The following AKR1B1 variants were observed in gnomAD, a reference collection of about 807,000 sequenced individuals.
AKR1B1 encodes the protein aldo-keto reductase family 1 member B, also known as aldo-keto reductase family 1 member B1.
Under a neutral mutation model 40.4 loss-of-function variants are expected in AKR1B1, and 22 were observed. The ratio of observed to expected loss-of-function variants is 0.54; its 90% CI spans 0.39 to 0.78. AKR1B1 has a LOEUF of 0.78. AKR1B1 is among the 30% of genes least tolerant of loss of function. AKR1B1 has a pLI of 0.00. For missense variants in AKR1B1, 357 were observed against 396.7 expected (o/e 0.90, Z 0.85); for synonymous variants, 157 against 149.9 (o/e 1.05, Z -0.35).
chr7:134,448,522 G>A, intron 5 of AKR1B1, 29 bp from the exon 6 acceptor site: 1 of 1,547,286 alleles, frequency 6.5e-7, no homozygotes, highest in Non-Finnish European at 8.9e-7. Flanking sequence ...GAGCTGATGG[G>A]AGCACTGTGG....
At position 134,447,984 on chromosome 7, in the gene AKR1B1, G is replaced by A; in HGVS notation, c.737C>T (p.Ala246Val). The change falls in exon 7 of 10, where the codon GCC (alanine) becomes GTC (valine). Residue 246 changes from alanine (A) to valine (V), a missense_variant. By Grantham distance (64) the Ala-to-Val change is moderately conservative. Coordinates refer to ENST00000285930, the MANE Select transcript of AKR1B1 (RefSeq NM_001628.4). ...AIAAKHNKTT[A>V]QVLIRFPMQR... ...CAACACCTGAAGTGGCTGTACCTGGGCTGTAGTTTTATTGTGCTTGGCTGC... is the reference window on the plus strand; with the variant it reads ...CAACACCTGAAGTGGCTGTACCTGGACTGTAGTTTTATTGTGCTTGGCTGC... 1 of 1,612,346 alleles carries A rather than the reference G, an allele frequency of 6.2e-7. No homozygotes were observed. Among genetic ancestry groups the A allele is most frequent in the Non-Finnish European group, 8.5e-7 (1 of 1,179,492 alleles).
chr7:134,459,236 C>G (rs555634413), upstream of AKR1B1: 2 of 727,482 alleles, frequency 2.7e-6, no homozygotes, highest in African/African-American at 3.5e-5. Context: ...CCCCAAGGGT[C>G]GGCGGGGATG....
At chr7:134,446,417 T>A (rs1171649941) in intron 8 of AKR1B1, among the ~76,000 whole-genome samples, 1 of 152,230 alleles carries the variant, frequency 6.6e-6, no homozygotes, top group Non-Finnish European at 1.5e-5. Flanking sequence ...AATCAGCTGC[T>A]CACCTAAGCT....
chr7:134,456,298 C>A (rs1806470283), intron 1 of AKR1B1, among the ~76,000 whole-genome samples: 1 of 152,066 alleles, frequency 6.6e-6, no homozygotes, highest in Middle Eastern at 3.2e-3. Flanking sequence ...ATCTGGGGTT[C>A]AAGCGATTTT....
At chr7:134,453,018 C>T (rs1440052797) in intron 1 of AKR1B1, among the ~76,000 whole-genome samples, 3 of 152,180 alleles carry the variant, frequency 2.0e-5, no homozygotes, top group African/African-American at 4.8e-5. Context: ...CCACTCTGCA[C>T]GGTTGAAGGA....
intron 5 of AKR1B1, 40 bp downstream of exon 5, chr7:134,448,957 C>T (rs1336371353): frequency 1.2e-6 from 2 of 1,613,604 alleles, no homozygotes; most frequent in Admixed American, 1.7e-5. Flanking sequence ...GACAGTAAAA[C>T]AGCAACGTTG....
In AKR1B1 at chr7:134,445,333, C is replaced by T; in HGVS notation, c.826-13G>A. ...CAAAGTCAAAGACCTAAAAAACAAACAAAAAAATCCAGTAAGCTCTGCAAA... is the reference window on the plus strand; with the variant it reads ...CAAAGTCAAAGACCTAAAAAACAAATAAAAAAATCCAGTAAGCTCTGCAAA... On this transcript the variant is annotated splice_polypyrimidine_tract_variant and intron_variant, in intron 8 of 9. Transcript: ENST00000285930. 1 of 1,605,794 alleles carries T rather than the reference C, an allele frequency of 6.2e-7. No homozygotes were observed. Among genetic ancestry groups the T allele is most frequent in the Non-Finnish European group, 8.5e-7 (1 of 1,175,082 alleles).
chr7:134,444,386 G>A (rs895455690), intron 9 of AKR1B1, among the ~76,000 whole-genome samples: 2 of 152,224 alleles, frequency 1.3e-5, no homozygotes, highest in Admixed American at 6.5e-5. Flanking sequence ...TGCCTGGGGC[G>A]GTGGCTGAAG....
At chr7:134,450,986 CA>C in intron 2 of AKR1B1, 84 bp from the exon 3 acceptor site, 1 of 1,113,012 alleles carries the variant, frequency 9.0e-7, no homozygotes, top group Non-Finnish European at 1.4e-6. Context: ...CTCCTCTCCC[CA>C]AAACCCATTT....
intron 9 of AKR1B1, among the ~76,000 whole-genome samples, chr7:134,444,505 G>A (rs1806038229): frequency 6.6e-6 from 1 of 152,266 alleles, no homozygotes; most frequent in African/African-American, 2.4e-5. Flanking sequence ...AGAAGAGGAA[G>A]TACTAAAGGA....
In AKR1B1 at chr7:134,442,757, T is replaced by C; in HGVS notation, c.922A>G (p.Lys308Glu). The C allele has an allele frequency of 6.2e-7, 1 of 1,614,102 alleles. No individual in the cohort carries two copies. The highest frequency in any genetic ancestry group is 8.5e-7 in the Non-Finnish European group (1 of 1,179,966). Residue 308 changes from lysine to glutamate, a missense_variant, in exon 10 of 10, where the codon AAG (lysine) becomes GAG (glutamate). By Grantham distance (56) the Lys-to-Glu change is moderately conservative. Transcript: ENST00000285930. ...AACTCTTCATGGAAGGGGTAATCCTTGTGGGAGGTACAGCTGTCAGGAGAA... is the reference window on the plus strand; with the variant it reads ...AACTCTTCATGGAAGGGGTAATCCTCGTGGGAGGTACAGCTGTCAGGAGAA... The part of the protein sequence containing the change: ...VCALLSCTSH[K>E]DYPFHEEF
chr7:134,459,176 G>C (rs938328454), upstream of AKR1B1: 1 of 1,304,922 alleles, frequency 7.7e-7, no homozygotes, highest in Non-Finnish European at 1.1e-6. Context: ...GCGCGCCGCT[G>C]CGCGAAGGAG....
rs750753427 is a variant in AKR1B1 at position 134,451,650 on chromosome 7, AC to A, written c.169del (p.Val57TrpfsTer12). 2 of 1,613,718 alleles carry A rather than the reference AC, an allele frequency of 1.2e-6. No individual in the cohort carries two copies. The highest frequency in any genetic ancestry group is 2.2e-5 in the South Asian group (2 of 91,026). ...CTCCCTGAGCTTCTCCTGAATGGCC[AC>A]CCCCACCTCATTCTCATTCTGGTAC... ...HVYQNENEVG[V>X]AIQEKLREQV... On this transcript the variant is annotated frameshift_variant, in exon 2 of 10. Coordinates refer to ENST00000285930, the MANE Select transcript of AKR1B1 (RefSeq NM_001628.4). LOFTEE classifies it high-confidence loss of function.
At chr7:134,446,772 G>T (rs1157232900) in intron 8 of AKR1B1, among the ~76,000 whole-genome samples, 2 of 152,216 alleles carry the variant, frequency 1.3e-5, no homozygotes, top group African/African-American at 4.8e-5. Flanking sequence ...TGGCCCAGAG[G>T]GTCCTTTGCA....
intron 9 of AKR1B1, chr7:134,444,842 G>A (rs1395739580): frequency 3.1e-6 from 1 of 326,578 alleles, no homozygotes; most frequent in African/African-American, 2.1e-5. Context: ...TCAGCCCCAG[G>A]GGCTCCCGAC....
intron 8 of AKR1B1, 34 bp downstream of exon 8, chr7:134,447,264 G>A (rs1282352530): frequency 6.3e-7 from 1 of 1,586,406 alleles, no homozygotes; most frequent in South Asian, 1.1e-5. Context: ...CCACTCCATG[G>A]AGGAGGGCCA....
At chr7:134,444,358 G>A (rs534729898) in intron 9 of AKR1B1, among the ~76,000 whole-genome samples, 6 of 152,258 alleles carry the variant, frequency 3.9e-5, no homozygotes, top group South Asian at 2.1e-4. Context: ...TGTCCAGGAC[G>A]CAGACTGGGC....
rs1395490453 is a variant in AKR1B1 at position 134,445,264 on chromosome 7, C to T, written c.882G>A (p.Arg294=). 6.2e-7 allele frequency: 1 copy of T among 1,612,444 alleles called. No homozygotes were observed. Among genetic ancestry groups the T allele is most frequent in the Non-Finnish European group, 8.5e-7 (1 of 1,179,732 alleles). Residue 294 remains arginine (R), a synonymous_variant, in exon 9 of 10, where the codon AGG becomes AGA. Coordinates refer to ENST00000285930, the MANE Select transcript of AKR1B1 (RefSeq NM_001628.4). ...TCAACAAGGCACAGACCCTCCAGTT[C>T]CTGTTGTAGCTGAGTAAGGTGGTCA... is the stretch of plus-strand genomic sequence containing the variant. The part of the protein sequence containing the change: ...QDMTTLLSYN[R]NWRVCALLSC...
At chr7:134,453,118 C>A (rs746505283) in intron 1 of AKR1B1, among the ~76,000 whole-genome samples, 1 of 152,148 alleles carries the variant, frequency 6.6e-6, no homozygotes, top group Admixed American at 6.5e-5. Context: ...GCAGGGAGAG[C>A]AGAGGACATC....
Sources: gnomAD v4.1 joint callset for allele counts (sites outside exome capture counted in the v4.1 genomes callset) on GRCh38, gnomAD v4.1.1 for gene constraint, MANE v1.5 for transcripts, NCBI Gene and HGNC (gene_info 2026-07-23, HGNC 2026-07-21) for gene names.